Variants in SGCZ observed in about 807,000 individuals in gnomAD.
The protein encoded by SGCZ is sarcoglycan zeta.
SGCZ carries 40 observed loss-of-function variants against 41.3 expected under a neutral mutation model. The observed-to-expected ratio is 0.97, with a 90% CI of 0.75 to 1.26. The LOEUF (loss-of-function observed/expected upper bound fraction) is 1.26, where lower values mean the gene tolerates loss of function less well. Among genes scored for constraint, SGCZ ranks in the 50% most tolerant of loss-of-function variants. SGCZ has a pLI of 0.00. For synonymous variants in SGCZ, 206 were observed against 137.5 expected, an observed-to-expected ratio of 1.50 and a Z score of -3.49; for missense variants, 552 against 369.8, an observed-to-expected ratio of 1.49 and a Z score of -4.04.
chr8:14,946,259 C>T (rs569955742), intron 1 of SGCZ, among the ~76,000 whole-genome samples: 6 of 150,612 alleles, frequency 4.0e-5, no homozygotes, highest in South Asian at 2.1e-4. Context: ...TCAAGCAGAG[C>T]GTAGACTCTA....
chr8:14,392,448 A>G (rs182613530), intron 2 of SGCZ, among the ~76,000 whole-genome samples: 43 of 152,300 alleles, frequency 2.8e-4, no homozygotes, highest in Non-Finnish European at 4.4e-4. Flanking sequence ...AAGGCTGGTT[A>G]TTGCCAAATT....
At chr8:14,516,984 C>G (rs947198696) in intron 2 of SGCZ, among the ~76,000 whole-genome samples, 3 of 151,966 alleles carry the variant, frequency 2.0e-5, no homozygotes, top group African/African-American at 7.2e-5. Flanking sequence ...AAAATAGATA[C>G]AAGGGTGGAG....
chr8:15,184,495 C>CATGCATTA (rs1232661353), intron 1 of SGCZ, among the ~76,000 whole-genome samples: 121 of 151,956 alleles, frequency 8.0e-4, no homozygotes, highest in African/African-American at 2.9e-3. Context: ...CTTCACCTCT[C>CATGCATTA]ATGCATTTTC....
intron 1 of SGCZ, among the ~76,000 whole-genome samples, chr8:15,003,830 G>A (rs150813421): frequency 3.3e-5 from 5 of 152,046 alleles, no homozygotes; most frequent in Middle Eastern, 3.2e-3. Flanking sequence ...TCCCTATCTC[G>A]TAAGTGTTGC....
intron 1 of SGCZ, among the ~76,000 whole-genome samples, chr8:15,122,120 AC>A (rs1395157744): frequency 1.3e-5 from 2 of 150,804 alleles, no homozygotes; most frequent in South Asian, 4.2e-4. Context: ...AATTCCAGAC[AC>A]CCCCCCACCC....
At chr8:15,132,462 G>GA (rs1269895067) in intron 1 of SGCZ, among the ~76,000 whole-genome samples, 1 of 152,172 alleles carries the variant, frequency 6.6e-6, no homozygotes, top group Non-Finnish European at 1.5e-5. Flanking sequence ...GGCAAGGCAT[G>GA]AATGAATAGA....
At chr8:15,232,289 A>G (rs1801968335) in intron 1 of SGCZ, among the ~76,000 whole-genome samples, 1 of 152,190 alleles carries the variant, frequency 6.6e-6, no homozygotes, top group Admixed American at 6.5e-5. Flanking sequence ...TCGTGTAGCT[A>G]TGATTTTGAG....
chr8:14,512,030 G>A (rs1802481922), intron 2 of SGCZ, among the ~76,000 whole-genome samples: 1 of 152,112 alleles, frequency 6.6e-6, no homozygotes, highest in Non-Finnish European at 1.5e-5. Flanking sequence ...CAACATTCTT[G>A]GATGTGAAAT....
intron 2 of SGCZ, among the ~76,000 whole-genome samples, chr8:14,417,144 T>C (rs1799515355): frequency 6.6e-6 from 1 of 151,782 alleles, no homozygotes; most frequent in African/African-American, 2.4e-5. Flanking sequence ...AGAGACTTCT[T>C]AGAGATAAAA....
chr8:15,069,151 A>C (rs1286819417), intron 1 of SGCZ, among the ~76,000 whole-genome samples: 1 of 152,150 alleles, frequency 6.6e-6, no homozygotes, highest in African/African-American at 2.4e-5. Context: ...ATTTTACTCC[A>C]AAATTTATGA....
At chr8:14,599,662 T>C (rs1419003525) in intron 1 of SGCZ, among the ~76,000 whole-genome samples, 4 of 152,216 alleles carry the variant, frequency 2.6e-5, no homozygotes, top group Non-Finnish European at 5.9e-5. Flanking sequence ...TATTCATCTA[T>C]ACCCATAAAT....
intron 2 of SGCZ, among the ~76,000 whole-genome samples, chr8:14,507,115 T>G (rs537823196): frequency 3.8e-5 from 5 of 131,308 alleles, no homozygotes; most frequent in African/African-American, 1.8e-4. Flanking sequence ...CAAAAACTAA[T>G]CTTCCCTATC....
chr8:14,652,070 A>C (rs1431340909), intron 1 of SGCZ, among the ~76,000 whole-genome samples: 4 of 152,042 alleles, frequency 2.6e-5, no homozygotes, highest in Non-Finnish European at 4.4e-5. Context: ...AAAGAATAAC[A>C]AAACATGCTT....
In SGCZ at chr8:14,939,570, T is replaced by A. The variant is rs1800199998; in HGVS notation, c.39+298015A>T. ...AAGCAACAAAACTTAGCACAGTCGC[T>A]TCATCAAAGAAATGATATTTTAAAA... On this transcript the variant is annotated intron_variant, in intron 1 of 7. Transcript: ENST00000382080. Among the ~76,000 whole-genome samples the A allele has an allele frequency of 2.0e-5, 3 of 152,144 alleles. No homozygotes were observed. The South Asian group carries it at 6.2e-4, about 31-fold the overall frequency.
chr8:14,872,299 C>A (rs146745038), intron 1 of SGCZ, among the ~76,000 whole-genome samples: 71 of 151,972 alleles, frequency 4.7e-4, no homozygotes, highest in African/African-American at 1.7e-3. Context: ...CACATATATC[C>A]CAGAACTTAA....
intron 1 of SGCZ, among the ~76,000 whole-genome samples, chr8:15,035,902 T>C (rs73205415): frequency 0.15 from 22,292 of 152,118 alleles, 1,825 homozygotes; most frequent in South Asian, 0.25. Context: ...AACTTTAATA[T>C]TGCATTTTCG....
chr8:14,412,786 G>A (rs990979154), intron 2 of SGCZ, among the ~76,000 whole-genome samples: 10 of 151,770 alleles, frequency 6.6e-5, no homozygotes, highest in African/African-American at 2.2e-4. Context: ...CAAAATAGCA[G>A]CAACTATAAG....
chr8:14,155,912 C>T (rs958757602), intron 5 of SGCZ, among the ~76,000 whole-genome samples: 3 of 152,042 alleles, frequency 2.0e-5, no homozygotes, highest in Non-Finnish European at 4.4e-5. Flanking sequence ...GCATGTTACT[C>T]TACTGAATAC....
At chr8:14,865,654 G>T (rs1455413447) in intron 1 of SGCZ, among the ~76,000 whole-genome samples, 1 of 152,022 alleles carries the variant, frequency 6.6e-6, no homozygotes, top group African/African-American at 2.4e-5. Context: ...ATTACATAAG[G>T]GGCCAGGCCA....
Sources: gnomAD v4.1 joint callset for allele counts (sites outside exome capture counted in the v4.1 genomes callset) on GRCh38, gnomAD v4.1.1 for gene constraint, MANE v1.5 for transcripts, NCBI Gene and HGNC (gene_info 2026-07-23, HGNC 2026-07-21) for gene names.